The following MACROD2 variants were observed in gnomAD, a reference collection of about 807,000 sequenced individuals.
MACROD2 encodes ADP-ribose glycohydrolase MACROD2.
In MACROD2, 36 loss-of-function variants were observed where a neutral mutation model predicts 70.4. The ratio of observed to expected loss-of-function variants is 0.51; its 90% CI spans 0.39 to 0.68. The LOEUF (loss-of-function observed/expected upper bound fraction) is 0.68. Among genes scored for constraint, MACROD2 ranks in the 30% least tolerant of loss-of-function variants. MACROD2 has a pLI of 0.00. For synonymous variants in MACROD2, 172 were observed against 178.8 expected, an observed-to-expected ratio of 0.96 and a Z score of 0.30; for missense variants, 496 against 538.4, an observed-to-expected ratio of 0.92 and a Z score of 0.78.
In MACROD2 at chr20:14,240,700, G is replaced by C. The variant is rs79546630; in HGVS notation, c.271+154972G>C. Among the ~76,000 whole-genome samples the C allele has an allele frequency of 8.6e-3, 1,310 of 152,302 alleles. 6 individuals are homozygous for C. The highest frequency in any genetic ancestry group is 0.015 in the South Asian group (72 of 4,824). On this transcript the variant is annotated intron_variant, in intron 3 of 17. Coordinates refer to ENST00000684519, the MANE Select transcript of MACROD2 (RefSeq NM_001351661.2). ...ACCCAGGCCTACTTGAGGGCAGAAG[G>C]AGGGAGGACATGAGGATCAAAAGCT...
At chr20:14,240,165 G>C (rs1052673810) in intron 3 of MACROD2, among the ~76,000 whole-genome samples, 1 of 152,082 alleles carries the variant, frequency 6.6e-6, no homozygotes, top group Non-Finnish European at 1.5e-5. Flanking sequence ...CAGAATGGCT[G>C]TCATTAAAAA....
intron 2 of MACROD2, among the ~76,000 whole-genome samples, chr20:14,073,279 T>G (rs2053873741): frequency 6.6e-6 from 1 of 151,670 alleles, no homozygotes; most frequent in Non-Finnish European, 1.5e-5. Flanking sequence ...GAGGTTGCAG[T>G]GAGCCAAGAT....
intron 8 of MACROD2, among the ~76,000 whole-genome samples, chr20:15,508,197 C>T (rs6074907): frequency 0.35 from 53,257 of 151,832 alleles, 10,194 homozygotes; most frequent in East Asian, 0.45. Flanking sequence ...TCAGCCAGCC[C>T]TCCTGAACCT....
At chr20:15,417,255 A>G in intron 6 of MACROD2, among the ~76,000 whole-genome samples, 1 of 152,008 alleles carries the variant, frequency 6.6e-6, no homozygotes, top group Admixed American at 6.6e-5. Context: ...AAAAAAAGGG[A>G]AAAAAGCTTT....
At chr20:15,423,293 C>T (rs943443642) in intron 6 of MACROD2, among the ~76,000 whole-genome samples, 2 of 152,152 alleles carry the variant, frequency 1.3e-5, no homozygotes, top group African/African-American at 2.4e-5. Flanking sequence ...GAGGCGTGTT[C>T]TTATGGTATA....
intron 8 of MACROD2, among the ~76,000 whole-genome samples, chr20:15,773,079 T>A (rs1351119284): frequency 6.6e-6 from 1 of 152,116 alleles, no homozygotes; most frequent in Admixed American, 6.5e-5. Context: ...GATGCAGAGA[T>A]AGTAAAAGCC....
chr20:15,054,905 C>T (rs1026718843), intron 5 of MACROD2, among the ~76,000 whole-genome samples: 2 of 151,606 alleles, frequency 1.3e-5, no homozygotes, highest in African/African-American at 4.8e-5. Flanking sequence ...GTCTCAGCCT[C>T]CCAAGTAGCT....
chr20:14,080,001 G>A (rs1159523274), intron 2 of MACROD2, among the ~76,000 whole-genome samples: 1 of 152,100 alleles, frequency 6.6e-6, no homozygotes. Context: ...CCTTATAGGT[G>A]GGTAAGGAAG....
At chr20:15,906,536 T>A (rs2065149725) in intron 10 of MACROD2, among the ~76,000 whole-genome samples, 1 of 152,106 alleles carries the variant, frequency 6.6e-6, no homozygotes, top group East Asian at 1.9e-4. Flanking sequence ...GATATATCAC[T>A]ACTATCTAAT....
chr20:14,807,920 T>C (rs1478706196), intron 5 of MACROD2, among the ~76,000 whole-genome samples: 1 of 151,796 alleles, frequency 6.6e-6, no homozygotes, highest in African/African-American at 2.4e-5. Flanking sequence ...AATGAACAAA[T>C]CCTCTAAGAA....
intron 15 of MACROD2, among the ~76,000 whole-genome samples, chr20:15,996,415 A>T (rs995197133): frequency 1.1e-4 from 16 of 151,998 alleles, no homozygotes; most frequent in African/African-American, 3.9e-4. Context: ...TTTGAGTAAG[A>T]TTGTCATTAA....
intron 8 of MACROD2, among the ~76,000 whole-genome samples, chr20:15,797,620 T>C (rs6135531): frequency 0.21 from 32,096 of 152,182 alleles, 3,458 homozygotes; most frequent in African/African-American, 0.21. Flanking sequence ...TAGCCACGCA[T>C]AGCTACAAGG....
chr20:15,313,928 T>C (rs1322516439), intron 6 of MACROD2, among the ~76,000 whole-genome samples: 4 of 152,248 alleles, frequency 2.6e-5, no homozygotes, highest in Non-Finnish European at 5.9e-5. Context: ...AATTGTGTTA[T>C]TATTTTTTCA....
intron 8 of MACROD2, among the ~76,000 whole-genome samples, chr20:15,849,800 G>A (rs1045041975): frequency 6.6e-6 from 1 of 152,188 alleles, no homozygotes; most frequent in Non-Finnish European, 1.5e-5. Context: ...ATAGGGGTCT[G>A]CAGCTGGATT....
intron 5 of MACROD2, among the ~76,000 whole-genome samples, chr20:14,750,116 A>C (rs1399500109): frequency 6.6e-6 from 1 of 152,146 alleles, no homozygotes; most frequent in African/African-American, 2.4e-5. Context: ...ATTCATAAGA[A>C]ACTTGAATAT....
At chr20:15,642,692 T>C (rs976284873) in intron 8 of MACROD2, among the ~76,000 whole-genome samples, 1 of 152,006 alleles carries the variant, frequency 6.6e-6, no homozygotes, top group African/African-American at 2.4e-5. Flanking sequence ...AAAAATAATC[T>C]TTTCTTTGCT....
intron 7 of MACROD2, among the ~76,000 whole-genome samples, chr20:15,436,280 C>T (rs2046426859): frequency 6.6e-6 from 1 of 152,056 alleles, no homozygotes; most frequent in South Asian, 2.1e-4. Context: ...GCTGGGGAGG[C>T]CTCACAATCA....
chr20:14,542,102 C>T (rs6131590), intron 4 of MACROD2, among the ~76,000 whole-genome samples: 17,487 of 152,220 alleles, frequency 0.11, 1,379 homozygotes, highest in South Asian at 0.33. Context: ...CGTCTGCTGA[C>T]GCGAGACACC....
chr20:14,251,096 T>C (rs541955680), intron 3 of MACROD2, among the ~76,000 whole-genome samples: 1 of 152,312 alleles, frequency 6.6e-6, no homozygotes, highest in South Asian at 2.1e-4. Context: ...TAAAATTAAG[T>C]GACAGATGAA....
Sources: gnomAD v4.1 joint callset for allele counts (sites outside exome capture counted in the v4.1 genomes callset) on GRCh38, gnomAD v4.1.1 for gene constraint, MANE v1.5 for transcripts, NCBI Gene and HGNC (gene_info 2026-07-23, HGNC 2026-07-21) for gene names.